GLDC: variants seen among roughly 807,000 people sequenced by gnomAD.
GLDC encodes the protein glycine decarboxylase.
A neutral mutation model predicts 121.3 loss-of-function variants in GLDC; 104 were observed. The ratio of observed to expected loss-of-function variants is 0.86; its 90% CI spans 0.73 to 1.01. The LOEUF is 1.01. Ranked by LOEUF, GLDC falls within the 50% of genes least tolerant of loss-of-function variation. GLDC has a pLI of 0.00. For synonymous variants in GLDC, 546 were observed against 480.6 expected (o/e 1.14, Z -1.78); for missense variants, 1,429 against 1,306.6 (o/e 1.09, Z -1.44).
In GLDC at chr9:6,558,326, C is replaced by G. The variant is rs1817678396; in HGVS notation, c.2052+233G>C. ...AGGCAGGCAGGTTCTGCAAGGAGTA[C>G]TCTTACTACCACCATGAATAATTCA... On this transcript the variant is annotated intron_variant, in intron 17 of 24. Coordinates refer to ENST00000321612, the MANE Select transcript of GLDC (RefSeq NM_000170.3). 25 of 636,838 alleles carry G rather than the reference C, an allele frequency of 3.9e-5. 1 individual carries two copies. The South Asian group carries it at 4.3e-4, about 11-fold the overall frequency. The allele number at this position is 636,838 out of a possible 1,614,324, so 39.4% of individuals were successfully genotyped here.
At chr9:6,645,142 A>C in intron 1 of GLDC, 103 bp downstream of exon 1, 1 of 1,223,234 alleles carries the variant, frequency 8.2e-7, no homozygotes, top group Non-Finnish European at 1.1e-6. Flanking sequence ...TGCGGGGACC[A>C]CGCGGAGCGC....
Position 6,639,537 on chromosome 9 carries a change from G to C in GLDC, c.334+5077C>G, listed in dbSNP as rs1819582792. 6 of 790,328 alleles carry C rather than the reference G, an allele frequency of 7.6e-6. No homozygotes were observed. The Admixed American group carries it at 1.0e-4, about 13-fold the overall frequency. 49.0% of individuals were successfully genotyped at this position (790,328 alleles called of 1,614,324 possible). Reference sequence around the variant, plus strand: ...CAACACCCTGATTCGGCCTGATGGAGAGAAGAAGGTATATGTTCGACTGGC... The same window carrying C: ...CAACACCCTGATTCGGCCTGATGGACAGAAGAAGGTATATGTTCGACTGGC... On this transcript the variant is annotated intron_variant, in intron 2 of 24. Transcript: ENST00000321612.
intron 17 of GLDC, among the ~76,000 whole-genome samples, chr9:6,556,755 C>G (rs1817639946): frequency 6.6e-6 from 1 of 150,466 alleles, no homozygotes. Flanking sequence ...GATCACACCA[C>G]TGCACTCCAG....
In GLDC at chr9:6,550,805, C is replaced by A; in HGVS notation, c.2567G>T (p.Arg856Ile). ...GATAGATTAAAGTTGATACTTGCCT[C>A]TTGCACCCCTGAAAAGAATTCTGTA... ...THYRILFRGARGYVGHEFILD... is the reference protein window; with the variant it reads ...THYRILFRGAIGYVGHEFILD... Residue 856 changes from arginine to isoleucine, a missense_variant and splice_region_variant, in exon 21 of 25, where the codon AGA becomes ATA. Coordinates refer to ENST00000321612, the MANE Select transcript of GLDC (RefSeq NM_000170.3). 2 of 1,601,112 alleles carry A rather than the reference C, an allele frequency of 1.2e-6. No homozygotes were observed. The highest frequency in any genetic ancestry group is 2.2e-5 in the South Asian group (2 of 90,840).
chr9:6,605,300 A>C (rs1184530864), intron 5 of GLDC, 22 bp from the exon 6 acceptor site: 1 of 1,612,562 alleles, frequency 6.2e-7, no homozygotes, highest in Non-Finnish European at 8.5e-7. Flanking sequence ...GACAACAAAG[A>C]ACAATCGTGC....
intron 18 of GLDC, 104 bp from the exon 19 acceptor site, chr9:6,554,885 A>G (rs1817588298): frequency 3.8e-6 from 3 of 799,280 alleles, no homozygotes; most frequent in Non-Finnish European, 6.5e-6. Flanking sequence ...TCAGAGGAAA[A>G]GCAGGCAGAG....
chr9:6,611,347 G>A (rs1437929098), intron 3 of GLDC, among the ~76,000 whole-genome samples: 1 of 152,210 alleles, frequency 6.6e-6, no homozygotes, highest in Non-Finnish European at 1.5e-5. Flanking sequence ...CACGAGGTCA[G>A]GAGATCGAGA....
chr9:6,558,536 T>A (rs762405058), intron 17 of GLDC, 23 bp downstream of exon 17: 1 of 1,613,666 alleles, frequency 6.2e-7, no homozygotes, highest in African/African-American at 1.3e-5. Flanking sequence ...GCCTCTCCCA[T>A]CTGCTAAGGA....
At chr9:6,601,152 G>T (rs1272751443) in intron 8 of GLDC, among the ~76,000 whole-genome samples, 1 of 152,098 alleles carries the variant, frequency 6.6e-6, no homozygotes, top group Admixed American at 6.5e-5. Context: ...CAGCCTGGGC[G>T]ACAGAGTAAA....
intron 9 of GLDC, among the ~76,000 whole-genome samples, chr9:6,593,426 G>T (rs1563851718): frequency 6.6e-6 from 1 of 151,414 alleles, no homozygotes; most frequent in Admixed American, 6.6e-5. Flanking sequence ...AGCCTCCCAA[G>T]TAACTGGGAT....
At chr9:6,628,962 T>G (rs1819305621) in intron 2 of GLDC, among the ~76,000 whole-genome samples, 1 of 152,100 alleles carries the variant, frequency 6.6e-6, no homozygotes, top group Non-Finnish European at 1.5e-5. Context: ...CTGGTCCTAA[T>G]GTACCAAGAA....
At chr9:6,624,067 T>C (rs1215438943) in intron 2 of GLDC, among the ~76,000 whole-genome samples, 1 of 152,210 alleles carries the variant, frequency 6.6e-6, no homozygotes, top group African/African-American at 2.4e-5. Flanking sequence ...GATAGTATGA[T>C]TCTTTTTACA....
rs528241148 is a variant in GLDC, at chr9:6,590,863, T to C, written c.1482+1280A>G. ...AATTGAGGTTTAAAAGAGAACACTG[T>C]GATGCTTCTTTGATCATTTATGAAT... On this transcript the variant is annotated intron_variant, in intron 11 of 24. Transcript: ENST00000321612. Among the ~76,000 whole-genome samples, 11 of 152,356 alleles carry C rather than the reference T, an allele frequency of 7.2e-5. 1 individual carries two copies. The South Asian group carries it at 2.1e-3, about 29-fold the overall frequency.
intron 2 of GLDC, among the ~76,000 whole-genome samples, chr9:6,627,151 C>G (rs141032280): frequency 0.013 from 1,962 of 151,866 alleles, 74 homozygotes; most frequent in Admixed American, 0.062. Context: ...AAAAAATTAG[C>G]CAGGTGTGTT....
chr9:6,542,885 CAAAA>C (rs5896153), intron 21 of GLDC, among the ~76,000 whole-genome samples: 2 of 61,390 alleles, frequency 3.3e-5, no homozygotes, highest in Admixed American at 2.2e-4. Flanking sequence ...GACCTTTTCT[CAAAA>C]AAAAAAAAAA....
chr9:6,596,504 G>C (rs1818496789), intron 8 of GLDC, among the ~76,000 whole-genome samples: 1 of 152,186 alleles, frequency 6.6e-6, no homozygotes, highest in South Asian at 2.1e-4. Context: ...ACTTTGGGAG[G>C]CTAAGGTGGG....
At chr9:6,568,663 C>A (rs1054542814) in intron 15 of GLDC, among the ~76,000 whole-genome samples, 4 of 151,786 alleles carry the variant, frequency 2.6e-5, no homozygotes, top group African/African-American at 9.7e-5. Flanking sequence ...GCCTGGCCAA[C>A]ATGGTGAAAC....
At chr9:6,594,186 T>C (rs557145332) in intron 9 of GLDC, among the ~76,000 whole-genome samples, 2 of 152,308 alleles carry the variant, frequency 1.3e-5, no homozygotes, top group South Asian at 2.1e-4. Flanking sequence ...TTTATTGCTT[T>C]ATTTTGTATC....
At chr9:6,571,489 T>C (rs1817966913) in intron 15 of GLDC, among the ~76,000 whole-genome samples, 1 of 152,192 alleles carries the variant, frequency 6.6e-6, no homozygotes, top group Non-Finnish European at 1.5e-5. Flanking sequence ...TTCCTTGCAA[T>C]GAGACATTGC....
Sources: allele counts gnomAD v4.1 joint callset (sites outside exome capture counted in the v4.1 genomes callset), GRCh38; gene constraint gnomAD v4.1.1; transcripts MANE v1.5; gene names NCBI Gene and HGNC (gene_info 2026-07-23, HGNC 2026-07-21).